PSMF1: variants seen among roughly 807,000 people sequenced by gnomAD.
The protein encoded by PSMF1 is proteasome inhibitor PI31 subunit.
PSMF1 carries 30 observed loss-of-function variants against 29.3 expected under a neutral mutation model. The ratio of observed to expected loss-of-function variants is 1.02; its 90% confidence interval spans 0.77 to 1.39. PSMF1 has a LOEUF of 1.39. Ranked by LOEUF, PSMF1 falls within the 40% of genes most tolerant of loss-of-function variation. The pLI is 0.00. For synonymous variants in PSMF1, 134 were observed against 139.7 expected, an observed-to-expected ratio of 0.96 and a Z score of 0.29; for missense variants, 344 against 357.5, an observed-to-expected ratio of 0.96 and a Z score of 0.31.
chr20:1,136,381 G>A (rs183697102), intron 4 of PSMF1, among the ~76,000 whole-genome samples: 1 of 152,144 alleles, frequency 6.6e-6, no homozygotes, highest in East Asian at 1.9e-4. Flanking sequence ...ACCTTTCCAT[G>A]GTGGAAAGAT....
At chr20:1,149,172 GA>G (rs948352797) in intron 4 of PSMF1, among the ~76,000 whole-genome samples, 3 of 152,032 alleles carry the variant, frequency 2.0e-5, no homozygotes, top group Non-Finnish European at 4.4e-5. Context: ...TCAGTTGTTG[GA>G]AAAAAAGAGG....
intron 4 of PSMF1, 141 bp downstream of exon 4, chr20:1,135,447 A>G (rs950815503): frequency 1.2e-5 from 11 of 937,554 alleles, no homozygotes; most frequent in African/African-American, 1.7e-5. Flanking sequence ...GCATGGAGTT[A>G]GAAAGTGGAG....
Position 1,165,854 on chromosome 20 carries a change from A to G in PSMF1, c.*774A>G. The stretch of plus-strand genomic sequence containing the variant: ...CCAAGGAAAAAACAGAGCAGACCTG[A>G]AGGCTAATCTTATTTTTGCCACTAA... On this transcript the variant is annotated 3_prime_UTR_variant, in exon 7 of 7. Transcript: ENST00000335877. 8.7e-7 allele frequency: 1 copy of G among 1,144,344 alleles called. No homozygotes were observed. The highest frequency in any genetic ancestry group is 1.1e-6 in the Non-Finnish European group (1 of 924,110). The allele number at this position is 1,144,344 out of a possible 1,614,324, so 70.9% of individuals were successfully genotyped here.
chr20:1,143,771 G>C (rs1174307964), intron 4 of PSMF1, among the ~76,000 whole-genome samples: 1 of 152,106 alleles, frequency 6.6e-6, no homozygotes, highest in East Asian at 1.9e-4. Flanking sequence ...AAAATCAACA[G>C]CTTAAGAAAC....
At chr20:1,151,574 T>C (rs1467966224) in intron 4 of PSMF1, among the ~76,000 whole-genome samples, 1 of 152,224 alleles carries the variant, frequency 6.6e-6, no homozygotes, top group East Asian at 1.9e-4. Flanking sequence ...CCCAAATCAA[T>C]CTAAGTGTCC....
At chr20:1,125,430 C>G (rs1450768126) in intron 1 of PSMF1, 68 bp from the exon 2 acceptor site, 1 of 1,475,014 alleles carries the variant, frequency 6.8e-7, no homozygotes, top group Non-Finnish European at 9.1e-7. Flanking sequence ...TAGCTTATCT[C>G]GTGAGGTTCT....
rs73604111 is a variant in PSMF1 at position 1,130,757 on chromosome 20, C to T, written c.365+3249C>T. Among the ~76,000 whole-genome samples the T allele has an allele frequency of 1.1e-4, 17 of 152,324 alleles. No homozygotes were observed. The East Asian group carries it at 3.3e-3, about 29-fold the overall frequency. ...CTACTGGGCTCAAGTGACCCTCCCA[C>T]CTGAGCCTCCCAAATAATTGGGTCT... On this transcript the variant is annotated intron_variant, in intron 3 of 6. Transcript: ENST00000335877.
chr20:1,141,634 C>T (rs1300307594), intron 4 of PSMF1, among the ~76,000 whole-genome samples: 2 of 152,176 alleles, frequency 1.3e-5, no homozygotes, highest in African/African-American at 2.4e-5. Flanking sequence ...GATAACCGCT[C>T]TGACCACTCT....
chr20:1,151,009 GATT>G (rs1276465522), intron 4 of PSMF1, among the ~76,000 whole-genome samples: 1 of 152,154 alleles, frequency 6.6e-6, no homozygotes, highest in Non-Finnish European at 1.5e-5. Flanking sequence ...ATTTTGAAAA[GATT>G]ATCCTCTACC....
intron 4 of PSMF1, among the ~76,000 whole-genome samples, chr20:1,140,508 G>T (rs1194271555): frequency 6.6e-6 from 1 of 152,090 alleles, no homozygotes; most frequent in African/African-American, 2.4e-5. Context: ...GTCTACCTTG[G>T]GTAGTCTTAT....
At chr20:1,140,701 G>C (rs1946715278) in intron 4 of PSMF1, among the ~76,000 whole-genome samples, 1 of 152,190 alleles carries the variant, frequency 6.6e-6, no homozygotes, top group African/African-American at 2.4e-5. Context: ...TTGCAAATCA[G>C]ATATCTGACA....
intron 4 of PSMF1, among the ~76,000 whole-genome samples, chr20:1,135,878 T>C (rs1268709516): frequency 6.6e-6 from 1 of 152,174 alleles, no homozygotes; most frequent in Non-Finnish European, 1.5e-5. Context: ...AGACTTCTGC[T>C]CAGAGGGAGG....
intron 4 of PSMF1, among the ~76,000 whole-genome samples, chr20:1,156,043 G>A (rs937539296): frequency 1.3e-5 from 2 of 152,126 alleles, no homozygotes; most frequent in African/African-American, 4.8e-5. Flanking sequence ...TGAAATGAAT[G>A]GAATGATAGA....
chr20:1,140,964 A>G (rs543280614), intron 4 of PSMF1, among the ~76,000 whole-genome samples: 1 of 152,360 alleles, frequency 6.6e-6, no homozygotes, highest in African/African-American at 2.4e-5. Context: ...ATGAATAGCA[A>G]ATATGATATA....
intron 1 of PSMF1, among the ~76,000 whole-genome samples, chr20:1,122,914 A>G (rs925383605): frequency 1.3e-5 from 2 of 152,228 alleles, no homozygotes; most frequent in South Asian, 2.1e-4. Flanking sequence ...TGAATGCTGT[A>G]CATGGAGGAT....
At position 1,168,023 on chromosome 20, in the gene PSMF1, C is replaced by T. The variant is rs548764020; in HGVS notation, c.*2943C>T. 2.6e-5 allele frequency: 4 copies of T among 152,356 alleles called. No individual in the cohort carries two copies. The highest frequency in any genetic ancestry group is 5.9e-5 in the Non-Finnish European group (4 of 68,042). The allele number at this position is 152,356 out of a possible 1,614,324, so 9.4% of individuals were successfully genotyped here. A position where few individuals can be genotyped will look rare whatever the true frequency, so the allele number is the denominator to read the frequency against. ...TCTTGTTATTTTTCATGCTTATGGC[C>T]ATCCTAGTTAGCGTGAAGTAGCATC... On this transcript the variant is annotated 3_prime_UTR_variant, in exon 7 of 7. Transcript: ENST00000335877.
chr20:1,119,458 C>T (rs971539082), intron 1 of PSMF1, among the ~76,000 whole-genome samples: 5 of 152,172 alleles, frequency 3.3e-5, no homozygotes, highest in Admixed American at 6.5e-5. Context: ...TCACCCTTTA[C>T]TGAAGGGCCC....
In PSMF1 at chr20:1,165,314, G is replaced by C. The variant is rs2086715801; in HGVS notation, c.*234G>C. On this transcript the variant is annotated 3_prime_UTR_variant, in exon 7 of 7. Coordinates refer to ENST00000335877, the MANE Select transcript of PSMF1 (RefSeq NM_006814.5). ...AATCAGTGTGTCTCTTTCACCATCAGCTCCTCCCCTTTCACCACCAGCTCC... is the reference window on the plus strand; with the variant it reads ...AATCAGTGTGTCTCTTTCACCATCACCTCCTCCCCTTTCACCACCAGCTCC... 3.6e-6 allele frequency: 5 copies of C among 1,397,246 alleles called. No homozygotes were observed. The highest frequency in any genetic ancestry group is 1.5e-5 in the African/African-American group (1 of 68,832). 86.6% of individuals were successfully genotyped at this position (1,397,246 alleles called of 1,614,324 possible).
At position 1,169,408 on chromosome 20, in the gene PSMF1, C is replaced by T. The variant is rs1024910553; in HGVS notation, c.*4328C>T. On this transcript the variant is annotated 3_prime_UTR_variant, in exon 7 of 7. Coordinates refer to ENST00000335877, the MANE Select transcript of PSMF1 (RefSeq NM_006814.5). ...AGCCCTTGCTTGGAGGAACGTGAGGCTGATGGTGCAGTGCAATAGAGGTCA... is the reference window on the plus strand; with the variant it reads ...AGCCCTTGCTTGGAGGAACGTGAGGTTGATGGTGCAGTGCAATAGAGGTCA... Among the ~76,000 whole-genome samples the T allele has an allele frequency of 1.3e-5, 2 of 152,158 alleles. No homozygotes were observed. The highest frequency in any genetic ancestry group is 4.8e-5 in the African/African-American group (2 of 41,436).
Sources: allele counts gnomAD v4.1 joint callset (sites outside exome capture counted in the v4.1 genomes callset), GRCh38; gene constraint gnomAD v4.1.1; transcripts MANE v1.5; gene names NCBI Gene and HGNC (gene_info 2026-07-23, HGNC 2026-07-21).